PLEKHA1: variants seen among roughly 807,000 people sequenced by gnomAD.
PLEKHA1 encodes the protein pleckstrin homology domain-containing family A member 1.
PLEKHA1 carries 34 observed loss-of-function variants against 52.0 expected under a neutral mutation model. The observed-to-expected ratio is 0.65, with a 90% CI of 0.50 to 0.87. The LOEUF (loss-of-function observed/expected upper bound fraction) is 0.87, where lower values mean the gene tolerates loss of function less well. Among genes scored for constraint, PLEKHA1 ranks in the 40% least tolerant of loss-of-function variants. The pLI is 0.00. For missense variants in PLEKHA1, 497 were observed against 504.2 expected (o/e 0.99, Z 0.14); for synonymous variants, 163 against 170.7 (o/e 0.95, Z 0.35).
At chr10:122,409,644 G>A (rs2097078481) in intron 5 of PLEKHA1, among the ~76,000 whole-genome samples, 1 of 152,140 alleles carries the variant, frequency 6.6e-6, no homozygotes, top group South Asian at 2.1e-4. Flanking sequence ...AACTCCACAA[G>A]TTTGATATAT....
At chr10:122,385,331 T>C (rs1351062036) in intron 1 of PLEKHA1, among the ~76,000 whole-genome samples, 5 of 146,968 alleles carry the variant, frequency 3.4e-5, no homozygotes, top group African/African-American at 1.3e-4. Flanking sequence ...TTTTTTTTTT[T>C]TTTGAGGCGG....
At chr10:122,428,431 C>T in intron 11 of PLEKHA1, 1 of 1,437,246 alleles carries the variant, frequency 7.0e-7, no homozygotes, top group Non-Finnish European at 9.2e-7. Flanking sequence ...GTTGAGTTAA[C>T]CAAACTGCCT....
At chr10:122,398,940 A>G (rs1033924530) in intron 3 of PLEKHA1, among the ~76,000 whole-genome samples, 1 of 152,214 alleles carries the variant, frequency 6.6e-6, no homozygotes, top group Non-Finnish European at 1.5e-5. Context: ...AGATCATACT[A>G]TGTAAATTTA....
rs1468534848 is a variant in PLEKHA1 at position 122,374,767 on chromosome 10, C to G, written c.-60C>G. On this transcript the variant is annotated 5_prime_UTR_variant, in exon 1 of 12. Transcript: ENST00000368990. ...CGGGCAGCCGAGCCTCTGTGGGAGC[C>G]GGGGCCGCGGCGGCGCGGGTGCTCC... 6.6e-6 allele frequency: 1 copy of G among 151,956 alleles called. No individual in the cohort carries two copies. Among genetic ancestry groups the G allele is most frequent in the South Asian group, 2.0e-4 (1 of 4,940 alleles). 9.4% of individuals were successfully genotyped at this position (151,956 alleles called of 1,614,324 possible).
At chr10:122,420,473 C>T (rs1276839894) in intron 8 of PLEKHA1, 1 of 152,084 alleles carries the variant, frequency 6.6e-6, no homozygotes, top group Non-Finnish European at 1.5e-5. Flanking sequence ...TCTTCTGTTT[C>T]ACCACCCACT....
chr10:122,417,852 T>C, intron 7 of PLEKHA1, 48 bp from the exon 8 acceptor site: 1 of 1,448,078 alleles, frequency 6.9e-7, no homozygotes, highest in Non-Finnish European at 9.7e-7. Flanking sequence ...GACTAACATT[T>C]GACATTCTTA....
chr10:122,399,732 G>A (rs937315320), intron 3 of PLEKHA1, among the ~76,000 whole-genome samples: 3 of 152,070 alleles, frequency 2.0e-5, no homozygotes, highest in Non-Finnish European at 2.9e-5. Flanking sequence ...ACAGGCGCCC[G>A]CCACCATGCC....
intron 4 of PLEKHA1, among the ~76,000 whole-genome samples, chr10:122,401,465 A>G (rs1353172477): frequency 6.6e-6 from 1 of 151,786 alleles, no homozygotes; most frequent in Non-Finnish European, 1.5e-5. Context: ...AAAAGAAGGA[A>G]AAGTGCAGGG....
At position 122,411,917 on chromosome 10, in the gene PLEKHA1, C is replaced by T. The variant is rs144186919; in HGVS notation, c.343-1003C>T. ...GTTTCTGAAAGACTGCAAGGTTCCACGTGCCCTTTAAATCATTGGAGAAGA... is the reference window on the plus strand; with the variant it reads ...GTTTCTGAAAGACTGCAAGGTTCCATGTGCCCTTTAAATCATTGGAGAAGA... On this transcript the variant is annotated intron_variant, in intron 5 of 11. Coordinates refer to ENST00000368990, the MANE Select transcript of PLEKHA1 (RefSeq NM_001001974.4). 2.6e-5 allele frequency: 4 copies of T among 152,298 alleles called. No individual in the cohort carries two copies. The East Asian group carries it at 5.8e-4, about 22-fold the overall frequency. 9.4% of individuals were successfully genotyped at this position (152,298 alleles called of 1,614,324 possible). A position where few individuals can be genotyped will look rare whatever the true frequency, so the allele number is the denominator to read the frequency against.
At position 122,393,344 on chromosome 10, in the gene PLEKHA1, T is replaced by G. The variant is rs2096800957; in HGVS notation, c.141+3T>G. ...TGTGGTACATGGATAATCCACAGGT[T>G]TGTAAAATCCCAAGGATTATCTTTT... On this transcript the variant is annotated splice_donor_region_variant and intron_variant, in intron 2 of 11. Transcript: ENST00000368990. This position sits in a 1 kb window ranked among gnomAD's most constrained non-coding sequence, Gnocchi z 4.5. 4 of 1,593,928 alleles carry G rather than the reference T, an allele frequency of 2.5e-6. No homozygotes were observed. Among genetic ancestry groups the G allele is most frequent in the Non-Finnish European group, 3.4e-6 (4 of 1,171,754 alleles).
chr10:122,399,078 T>C (rs1328978125), intron 3 of PLEKHA1, among the ~76,000 whole-genome samples: 1 of 152,194 alleles, frequency 6.6e-6, no homozygotes, highest in East Asian at 1.9e-4. Context: ...TGCAGTTCTG[T>C]AACTTTCATC....
At chr10:122,408,052 A>G (rs1452581328) in intron 5 of PLEKHA1, among the ~76,000 whole-genome samples, 1 of 152,248 alleles carries the variant, frequency 6.6e-6, no homozygotes, top group African/African-American at 2.4e-5. Flanking sequence ...AGGTTTGTGC[A>G]GTGTCAGGAA....
At chr10:122,380,530 A>T (rs139789617) in intron 1 of PLEKHA1, among the ~76,000 whole-genome samples, 83 of 152,318 alleles carry the variant, frequency 5.4e-4, no homozygotes, top group African/African-American at 1.9e-3. Context: ...CAAGTCCCCG[A>T]GTGGGAATCT....
Position 122,427,047 on chromosome 10 carries a change from T to A in PLEKHA1, c.900+16T>A, listed in dbSNP as rs932529480. 6.2e-7 allele frequency: 1 copy of A among 1,600,986 alleles called. No homozygotes were observed. Among genetic ancestry groups the A allele is most frequent in the Non-Finnish European group, 8.6e-7 (1 of 1,168,282 alleles). The stretch of plus-strand genomic sequence containing the variant: ...TGCGTCTTCTGTAGGTTTCCTGCTC[T>A]CTGGGGTGATACTCCCTTGCGTCTC... On this transcript the variant is annotated intron_variant, in intron 11 of 11. Transcript: ENST00000368990.
chr10:122,425,009 A>G, intron 10 of PLEKHA1, 50 bp downstream of exon 10: 2 of 1,485,508 alleles, frequency 1.3e-6, no homozygotes, highest in South Asian at 1.2e-5. Flanking sequence ...AGAAATTAAT[A>G]ATATTAGAGG....
At chr10:122,395,288 A>G (rs765403771) in intron 2 of PLEKHA1, among the ~76,000 whole-genome samples, 67 of 152,150 alleles carry the variant, frequency 4.4e-4, no homozygotes, top group Non-Finnish European at 8.4e-4. Flanking sequence ...TTTTTTAAGT[A>G]CAGAATTTAA....
chr10:122,421,645 AAG>A (rs1156824223), intron 8 of PLEKHA1: 1 of 152,212 alleles, frequency 6.6e-6, no homozygotes, highest in African/African-American at 2.4e-5. Context: ...AGATTAAAAA[AAG>A]AGAGAAAATG....
chr10:122,424,193 T>TTG lies in PLEKHA1; in HGVS notation c.682-6_682-5insTG. On this transcript the variant is annotated splice_polypyrimidine_tract_variant and splice_region_variant and intron_variant, in intron 8 of 11. Coordinates refer to ENST00000368990, the MANE Select transcript of PLEKHA1 (RefSeq NM_001001974.4). ...ACTGTTTTTTTTTTTTTTTTTTTTT[T>TTG]GCCAGGAAAAGGAACCTCTTCGTGT... 2 of 1,536,104 alleles carry TTG rather than the reference T, an allele frequency of 1.3e-6. No homozygotes were observed. Among genetic ancestry groups the TTG allele is most frequent in the African/African-American group, 1.5e-5 (1 of 68,474 alleles).
rs1043688777 is a variant in PLEKHA1, at chr10:122,412,786, C to T, written c.343-134C>T. The T allele has an allele frequency of 4.6e-6, 4 of 870,710 alleles. No individual in the cohort carries two copies. The East Asian group carries it at 1.1e-4, about 23-fold the overall frequency. 53.9% of individuals were successfully genotyped at this position (870,710 alleles called of 1,614,324 possible). A position where few individuals can be genotyped will look rare whatever the true frequency, so the allele number is the denominator to read the frequency against. ...AATTAGTGTGATAACTTAAGGAGTA[C>T]ATACATGGACTATAATTTTTATATG... On this transcript the variant is annotated intron_variant, in intron 5 of 11. Transcript: ENST00000368990.
Sources: allele counts gnomAD v4.1 joint callset (sites outside exome capture counted in the v4.1 genomes callset), GRCh38; gene constraint gnomAD v4.1.1; non-coding constraint Gnocchi (gnomAD v3.1); transcripts MANE v1.5; gene names NCBI Gene and HGNC (gene_info 2026-07-23, HGNC 2026-07-21).